Variants in UNC5D observed in about 807,000 individuals in gnomAD.
UNC5D encodes netrin receptor UNC5D.
UNC5D carries 39 observed loss-of-function variants against 105.4 expected under a neutral mutation model. The observed-to-expected ratio is 0.37, with a 90% CI of 0.29 to 0.48. The LOEUF (loss-of-function observed/expected upper bound fraction) is 0.48, where lower values mean the gene tolerates loss of function less well. Among genes scored for constraint, UNC5D ranks in the 20% least tolerant of loss-of-function variants. The pLI is 0.98. For missense variants in UNC5D, 991 were observed against 1,202.4 expected, an observed-to-expected ratio of 0.82 and a Z score of 2.60; for synonymous variants, 452 against 450.4, an observed-to-expected ratio of 1.00 and a Z score of -0.04.
chr8:35,579,864 G>C (rs192737877), intron 3 of UNC5D, among the ~76,000 whole-genome samples: 20 of 152,314 alleles, frequency 1.3e-4, no homozygotes, highest in Admixed American at 3.9e-4. Context: ...ATTCACTGCT[G>C]TCAAAGATTT....
chr8:35,740,997 T>C (rs1031817510), intron 11 of UNC5D, among the ~76,000 whole-genome samples: 8 of 152,154 alleles, frequency 5.3e-5, no homozygotes, highest in African/African-American at 1.7e-4. Context: ...GCATGATACA[T>C]AGTCCCACTC....
intron 4 of UNC5D, among the ~76,000 whole-genome samples, chr8:35,660,004 A>G (rs1057505153): frequency 5.9e-5 from 9 of 152,184 alleles, no homozygotes; most frequent in Non-Finnish European, 1.3e-4. Context: ...TCACTTCCCA[A>G]AACTTCCATT....
intron 1 of UNC5D, among the ~76,000 whole-genome samples, chr8:35,248,149 ATAAT>A (rs1295892960): frequency 2.1e-5 from 1 of 48,112 alleles, no homozygotes; most frequent in Non-Finnish European, 3.2e-5. Flanking sequence ...TAAAATATAT[ATAAT>A]ATATAAATAT....
chr8:35,611,939 G>C (rs1820713917), intron 4 of UNC5D, among the ~76,000 whole-genome samples: 1 of 152,160 alleles, frequency 6.6e-6, no homozygotes, highest in Non-Finnish European at 1.5e-5. Flanking sequence ...AATAAACCCT[G>C]ATTTACTGAT....
At chr8:35,768,444 G>A (rs1271020466) in intron 15 of UNC5D, among the ~76,000 whole-genome samples, 2 of 152,148 alleles carry the variant, frequency 1.3e-5, no homozygotes, top group Non-Finnish European at 1.5e-5. Context: ...AATAAAAATT[G>A]TAGGAAGGCT....
chr8:35,460,174 C>T (rs1022217326), intron 1 of UNC5D, among the ~76,000 whole-genome samples: 10 of 152,154 alleles, frequency 6.6e-5, no homozygotes, highest in African/African-American at 2.4e-4. Flanking sequence ...AATTAAAGGC[C>T]TCTTAACTGG....
At position 35,736,663 on chromosome 8, in the gene UNC5D, A is replaced by C. The variant is rs142302504; in HGVS notation, c.1766+5567A>C. On this transcript the variant is annotated intron_variant, in intron 11 of 16. Transcript: ENST00000404895. Reference sequence around the variant, plus strand: ...CAGTGAAAGGATGAACCCCGTTTAAAGGCTCAGGGAAAGTTTCAGAGAAAT... The same window carrying C: ...CAGTGAAAGGATGAACCCCGTTTAACGGCTCAGGGAAAGTTTCAGAGAAAT... Among the ~76,000 whole-genome samples, 1,113 of 152,338 alleles carry C rather than the reference A, an allele frequency of 7.3e-3. 10 individuals are homozygous for C. The highest frequency in any genetic ancestry group is 0.024 in the African/African-American group (989 of 41,566).
chr8:35,479,185 G>A (rs1346739228), intron 1 of UNC5D, among the ~76,000 whole-genome samples: 1 of 152,138 alleles, frequency 6.6e-6, no homozygotes, highest in African/African-American at 2.4e-5. Flanking sequence ...TATGTCTCAA[G>A]CCTGAGGCAG....
intron 1 of UNC5D, chr8:35,544,444 G>T: frequency 6.2e-7 from 1 of 1,613,866 alleles, no homozygotes; most frequent in East Asian, 2.2e-5. Context: ...TTATCTGGGG[G>T]TGGATGATCC....
At chr8:35,412,150 A>G (rs1309377696) in intron 1 of UNC5D, among the ~76,000 whole-genome samples, 1 of 151,974 alleles carries the variant, frequency 6.6e-6, no homozygotes, top group Non-Finnish European at 1.5e-5. Context: ...CTTCAGTAGA[A>G]TTGCTTCCAG....
At chr8:35,330,799 C>T (rs766943453) in intron 1 of UNC5D, among the ~76,000 whole-genome samples, 11 of 152,090 alleles carry the variant, frequency 7.2e-5, no homozygotes, top group East Asian at 1.9e-4. Context: ...CTCCTTAATG[C>T]GCGGATGCTT....
intron 1 of UNC5D, among the ~76,000 whole-genome samples, chr8:35,377,964 A>C (rs1487778930): frequency 6.6e-6 from 1 of 152,070 alleles, no homozygotes; most frequent in Non-Finnish European, 1.5e-5. Context: ...TGTCACTCAG[A>C]ACTTTTCCTG....
chr8:35,676,596 T>G lies in UNC5D; in HGVS notation c.571-6951T>G, dbSNP rs189849347. ...ATTAGGGATTTACAGTGTAGGCAAT[T>G]TATTGTTAAATAATTTCTGAACTCA... is the stretch of plus-strand genomic sequence containing the variant. On this transcript the variant is annotated intron_variant, in intron 4 of 16. Transcript: ENST00000404895. 1.3e-3 allele frequency among the ~76,000 whole-genome samples: 195 copies of G among 152,286 alleles called. 1 individual carries two copies. The highest frequency in any genetic ancestry group is 4.5e-3 in the African/African-American group (188 of 41,556).
chr8:35,429,018 T>C (rs1806444491), intron 1 of UNC5D, among the ~76,000 whole-genome samples: 1 of 152,218 alleles, frequency 6.6e-6, no homozygotes, highest in Non-Finnish European at 1.5e-5. Context: ...TAAAAGACTT[T>C]GTCCCAGTTT....
chr8:35,368,361 CCACA>C (rs201938872), intron 1 of UNC5D, among the ~76,000 whole-genome samples: 1 of 151,258 alleles, frequency 6.6e-6, no homozygotes, highest in African/African-American at 2.4e-5. Flanking sequence ...ACCCACCCAC[CCACA>C]CACACACAGA....
intron 1 of UNC5D, among the ~76,000 whole-genome samples, chr8:35,272,560 C>T (rs915394277): frequency 2.0e-5 from 3 of 152,150 alleles, no homozygotes; most frequent in Non-Finnish European, 4.4e-5. Flanking sequence ...GCTTTCATCC[C>T]CAATGTCACC....
chr8:35,638,497 A>C (rs1822519297), intron 4 of UNC5D, among the ~76,000 whole-genome samples: 1 of 151,960 alleles, frequency 6.6e-6, no homozygotes, highest in Non-Finnish European at 1.5e-5. Context: ...ATAAGGATTA[A>C]GATTTAACAT....
intron 7 of UNC5D, among the ~76,000 whole-genome samples, chr8:35,697,245 G>GAT (rs1017345440): frequency 3.3e-5 from 5 of 150,324 alleles, no homozygotes; most frequent in African/African-American, 1.2e-4. Context: ...CCAGCTTCCA[G>GAT]ATATATATGC....
At chr8:35,719,835 C>T (rs2131526202) in intron 8 of UNC5D, among the ~76,000 whole-genome samples, 1 of 152,140 alleles carries the variant, frequency 6.6e-6, no homozygotes, top group African/African-American at 2.4e-5. Flanking sequence ...CAGGTTGAGC[C>T]TTAGGGAGCC....
Sources: allele counts gnomAD v4.1 joint callset (sites outside exome capture counted in the v4.1 genomes callset), GRCh38; gene constraint gnomAD v4.1.1; transcripts MANE v1.5; gene names NCBI Gene and HGNC (gene_info 2026-07-23, HGNC 2026-07-21).